HECTD2: variants seen among roughly 807,000 people sequenced by gnomAD.
The protein encoded by HECTD2 is HECT domain E3 ubiquitin protein ligase 2, also known as probable E3 ubiquitin-protein ligase HECTD2.
HECTD2 carries 35 observed loss-of-function variants against 103.2 expected under a neutral mutation model. That is an observed-to-expected ratio of 0.34 (90% CI 0.26 to 0.45). The LOEUF (loss-of-function observed/expected upper bound fraction) is 0.45. HECTD2 is among the 20% of genes least tolerant of loss of function. HECTD2 has a pLI of 1.00. For missense variants in HECTD2, 596 were observed against 937.4 expected (o/e 0.64, Z 4.76); for synonymous variants, 281 against 329.9 (o/e 0.85, Z 1.61).
intron 20 of HECTD2, among the ~76,000 whole-genome samples, chr10:91,507,545 T>C (rs1274846695): frequency 3.3e-5 from 5 of 151,984 alleles, no homozygotes; most frequent in Admixed American, 6.6e-5. Context: ...AATAAAATAC[T>C]TAGGAATCCA....
At chr10:91,446,336 A>C (rs1416907467) in intron 2 of HECTD2, among the ~76,000 whole-genome samples, 1 of 112,306 alleles carries the variant, frequency 8.9e-6, no homozygotes. Context: ...ATCAACAAAA[A>C]GGATGTCCAC....
At chr10:91,469,450 C>G in intron 5 of HECTD2, among the ~76,000 whole-genome samples, 1 of 152,206 alleles carries the variant, frequency 6.6e-6, no homozygotes. Context: ...AGCCTATATT[C>G]AGCATTCTTA....
chr10:91,455,096 G>A (rs1307146715), intron 2 of HECTD2, among the ~76,000 whole-genome samples: 2 of 152,114 alleles, frequency 1.3e-5, no homozygotes, highest in Admixed American at 6.5e-5. Context: ...GTAATGGGAT[G>A]GCTGGGTCAA....
At chr10:91,465,964 A>T (rs12266112) in intron 5 of HECTD2, among the ~76,000 whole-genome samples, 1 of 152,038 alleles carries the variant, frequency 6.6e-6, no homozygotes, top group Non-Finnish European at 1.5e-5. Context: ...CTTAGAAAGT[A>T]TTCTCTCTGC....
intron 2 of HECTD2, among the ~76,000 whole-genome samples, chr10:91,444,823 G>C (rs569274895): frequency 6.6e-6 from 1 of 152,242 alleles, no homozygotes; most frequent in South Asian, 2.1e-4. Flanking sequence ...TCATAATACA[G>C]TGAAAAAAGC....
chr10:91,455,028 A>T (rs1383026520), intron 2 of HECTD2, among the ~76,000 whole-genome samples: 3 of 152,174 alleles, frequency 2.0e-5, no homozygotes, highest in Non-Finnish European at 4.4e-5. Context: ...CGCAATAAAC[A>T]TACGTGTGCA....
intron 12 of HECTD2, among the ~76,000 whole-genome samples, chr10:91,492,080 G>A (rs1183734402): frequency 6.6e-6 from 1 of 152,078 alleles, no homozygotes. Context: ...GAATTATATT[G>A]TGCTAAATTA....
intron 2 of HECTD2, among the ~76,000 whole-genome samples, chr10:91,451,410 A>G (rs1388203946): frequency 6.6e-6 from 1 of 152,118 alleles, no homozygotes; most frequent in Non-Finnish European, 1.5e-5. Flanking sequence ...TAGGAGAAAT[A>G]CTTAATGTAG....
intron 2 of HECTD2, among the ~76,000 whole-genome samples, chr10:91,457,445 T>C (rs987465961): frequency 2.0e-5 from 3 of 151,858 alleles, no homozygotes; most frequent in Non-Finnish European, 4.4e-5. Flanking sequence ...AATTCAGCAA[T>C]ATGTAAAAAG....
chr10:91,456,849 T>C (rs971216572), intron 2 of HECTD2, among the ~76,000 whole-genome samples: 2 of 151,962 alleles, frequency 1.3e-5, no homozygotes, highest in Non-Finnish European at 2.9e-5. Flanking sequence ...GGAGGAAATA[T>C]AAAATCAGTG....
chr10:91,479,512 CTGTT>C (rs757944172), intron 6 of HECTD2, among the ~76,000 whole-genome samples: 11 of 152,062 alleles, frequency 7.2e-5, no homozygotes, highest in Non-Finnish European at 1.5e-4. Context: ...CTCTAGTAAT[CTGTT>C]TGCATTTTCC....
intron 2 of HECTD2, among the ~76,000 whole-genome samples, chr10:91,429,071 A>G (rs1298842420): frequency 6.6e-6 from 1 of 152,100 alleles, no homozygotes; most frequent in Non-Finnish European, 1.5e-5. Context: ...TAATTTATTG[A>G]GAGTTTTTAG....
At chr10:91,459,609 A>T (rs886088295) in intron 2 of HECTD2, among the ~76,000 whole-genome samples, 1 of 152,098 alleles carries the variant, frequency 6.6e-6, no homozygotes, top group Non-Finnish European at 1.5e-5. Context: ...ACATTCTTGA[A>T]ATGACAACAT....
At chr10:91,492,731 A>G (rs1275271931) in intron 13 of HECTD2, among the ~76,000 whole-genome samples, 1 of 152,162 alleles carries the variant, frequency 6.6e-6, no homozygotes, top group Non-Finnish European at 1.5e-5. Flanking sequence ...TTTATGAGGA[A>G]ACATCCATAT....
At chr10:91,441,787 G>C (rs1328864106) in intron 2 of HECTD2, among the ~76,000 whole-genome samples, 2 of 98,090 alleles carry the variant, frequency 2.0e-5, no homozygotes, top group Non-Finnish European at 3.9e-5. Context: ...AATTCTTCTT[G>C]TTGCATTGAT....
chr10:91,502,124 A>T (rs1846925360), intron 20 of HECTD2, among the ~76,000 whole-genome samples: 1 of 152,090 alleles, frequency 6.6e-6, no homozygotes. Flanking sequence ...CACTATTTAG[A>T]TCATATTTCC....
At position 91,498,876 on chromosome 10, in the gene HECTD2, T is replaced by C; in HGVS notation, c.1760T>C (p.Phe587Ser). The C allele has an allele frequency of 6.3e-7, 1 of 1,582,290 alleles. No homozygotes were observed. Among genetic ancestry groups the C allele is most frequent in the Non-Finnish European group, 8.7e-7 (1 of 1,155,596 alleles). Residue 587 changes from phenylalanine to serine, a missense_variant, in exon 17 of 21, where the codon TTT becomes TCT. Transcript: ENST00000298068. ...EEDFYSTFQV[F>S]QEEFGIIKSY... is the part of the protein sequence containing the mutation. ...TGTAATGGCATCTCCCATCAGGTTT[T>C]TCAAGAAGAATTTGGAATAATCAAG...
intron 2 of HECTD2, among the ~76,000 whole-genome samples, chr10:91,440,323 T>C (rs987482797): frequency 2.0e-5 from 3 of 152,220 alleles, no homozygotes; most frequent in African/African-American, 4.8e-5. Flanking sequence ...TTTCGGTAGT[T>C]ATTGAGAAAA....
chr10:91,415,746 C>T (rs1042248107), intron 1 of HECTD2, among the ~76,000 whole-genome samples: 2 of 152,084 alleles, frequency 1.3e-5, no homozygotes, highest in Admixed American at 1.3e-4. Context: ...TGAAAAAGAG[C>T]ATGTTGTCCA....
Sources: allele counts gnomAD v4.1 joint callset (sites outside exome capture counted in the v4.1 genomes callset), GRCh38; gene constraint gnomAD v4.1.1; transcripts MANE v1.5; gene names NCBI Gene and HGNC (gene_info 2026-07-23, HGNC 2026-07-21).